SPTB: variants seen among roughly 807,000 people sequenced by gnomAD.
SPTB encodes the protein spectrin beta chain, erythrocytic.
In SPTB, 45 loss-of-function variants were observed where a neutral mutation model predicts 256.2. The observed-to-expected ratio is 0.18, with a 90% CI of 0.14 to 0.23. The LOEUF (loss-of-function observed/expected upper bound fraction) is 0.23, where lower values mean the gene tolerates loss of function less well. Ranked by LOEUF, SPTB falls within the 10% of genes least tolerant of loss-of-function variation. The probability of loss-of-function intolerance (pLI) is 1.00; values close to 1 mark genes in which losing one functional copy is unlikely to be tolerated. For synonymous variants in SPTB, 1,231 were observed against 1,243.1 expected (o/e 0.99, Z 0.21); for missense variants, 2,715 against 3,040.4 (o/e 0.89, Z 2.52).
At chr14:64,768,896 A>T (rs2082234188) in intron 29 of SPTB, 138 bp downstream of exon 29, 1 of 783,610 alleles carries the variant, frequency 1.3e-6, no homozygotes, top group Admixed American at 1.8e-5. Context: ...CTGGCCCCAG[A>T]GCTTTGCTGA....
At chr14:64,840,572 T>C (rs2083590333) in intron 1 of SPTB, among the ~76,000 whole-genome samples, 1 of 152,212 alleles carries the variant, frequency 6.6e-6, no homozygotes, top group African/African-American at 2.4e-5. Context: ...ATTCTTGCAG[T>C]GGACCAGTTC....
intron 3 of SPTB, among the ~76,000 whole-genome samples, chr14:64,804,460 G>C (rs984122270): frequency 2.0e-5 from 3 of 152,226 alleles, no homozygotes; most frequent in Non-Finnish European, 4.4e-5. Context: ...CTTACTCTGG[G>C]CTGAGCAAAA....
chr14:64,749,365 C>T lies in SPTB; in HGVS notation c.6928G>A (p.Ala2310Thr), dbSNP rs867725744. 1 of 1,610,418 alleles carries T rather than the reference C, an allele frequency of 6.2e-7. No individual in the cohort carries two copies. Among genetic ancestry groups the T allele is most frequent in the Non-Finnish European group, 8.5e-7 (1 of 1,179,682 alleles). ...TCCTTGTCTTTCTTGCCGAGGCTGG[C>T]GTCGGGGCCGGAGAGGGAAGGCAGG... ...LPLPSLSGPD[A>T]SLGKKDKEKR... The change falls in exon 36 of 36, where the codon GCC becomes ACC. Residue 2310 changes from alanine to threonine, a missense_variant. Ala to Thr is a moderately conservative substitution (Grantham distance 58, BLOSUM62 0). Coordinates refer to ENST00000644917, the MANE Select transcript of SPTB (RefSeq NM_001355436.2). The surrounding 1 kb of genome is among the most constrained non-coding windows in gnomAD (Gnocchi z 4.7).
chr14:64,775,122 G>A lies in SPTB; in HGVS notation c.4842+3C>T. The stretch of plus-strand genomic sequence containing the variant: ...CTGGCTGGTATCCCCTGCCCGAACA[G>A]ACCTTGGGGATCTCATCGGAGATGA... On this transcript the variant is annotated splice_donor_region_variant and intron_variant, in intron 23 of 35. Transcript: ENST00000644917. This position sits in a 1 kb window ranked among gnomAD's most constrained non-coding sequence, Gnocchi z 5.0. 6.2e-7 allele frequency: 1 copy of A among 1,613,882 alleles called. No individual in the cohort carries two copies. The highest frequency in any genetic ancestry group is 1.1e-5 in the South Asian group (1 of 91,066).
rs2082988458 is a variant in SPTB, at chr14:64,806,598, G to A, written c.149-1508C>T. On this transcript the variant is annotated intron_variant, in intron 2 of 35. Transcript: ENST00000644917. This position sits in a 1 kb window ranked among gnomAD's most constrained non-coding sequence, Gnocchi z 4.1. ...GCAGTTCCTGAGGCTTGCTGCATCA[G>A]ATGCCTTCCGGCTTCATGGCTATTT... 6.6e-6 allele frequency among the ~76,000 whole-genome samples: 1 copy of A among 152,236 alleles called. No individual in the cohort carries two copies. The highest frequency in any genetic ancestry group is 6.5e-5 in the Admixed American group (1 of 15,292).
intron 2 of SPTB, among the ~76,000 whole-genome samples, chr14:64,814,121 G>T (rs971869622): frequency 3.3e-5 from 5 of 152,192 alleles, no homozygotes; most frequent in East Asian, 1.9e-4. Context: ...AAATGCAAAT[G>T]CAAGAATAAA....
chr14:64,749,577 G>T lies in SPTB; in HGVS notation c.6819+77C>A. ...TCTTGGGACTGCCCCTTCTGAGGGG[G>T]CCTCCAGGGCAAGCGGCCTGGGGTC... is the stretch of plus-strand genomic sequence containing the variant. On this transcript the variant is annotated intron_variant, in intron 35 of 35. Transcript: ENST00000644917. The surrounding 1 kb of genome is among the most constrained non-coding windows in gnomAD (Gnocchi z 4.7). 1 of 1,607,164 alleles carries T rather than the reference G, an allele frequency of 6.2e-7. No homozygotes were observed. The highest frequency in any genetic ancestry group is 1.7e-5 in the Admixed American group (1 of 59,942).
chr14:64,768,724 A>G, intron 29 of SPTB, among the ~76,000 whole-genome samples: 1 of 145,628 alleles, frequency 6.9e-6, no homozygotes, highest in African/African-American at 2.5e-5. Flanking sequence ...CGGGCCCCCA[A>G]CTCCTCCCCC....
intron 1 of SPTB, among the ~76,000 whole-genome samples, chr14:64,861,413 T>C (rs960210129): frequency 7.2e-5 from 11 of 152,300 alleles, no homozygotes; most frequent in African/African-American, 2.4e-4. Flanking sequence ...GGGCCACCTA[T>C]CATGGTTCTT....
chr14:64,826,697 C>T lies in SPTB; in HGVS notation c.-51-3552G>A, dbSNP rs2083382367. ...TCCTTCTCTGAACCCACCTGACCCTCGTCAAAGTGTAGGTGGGTCTTCTCT... is the reference window on the plus strand; with the variant it reads ...TCCTTCTCTGAACCCACCTGACCCTTGTCAAAGTGTAGGTGGGTCTTCTCT... On this transcript the variant is annotated intron_variant, in intron 1 of 35. Coordinates refer to ENST00000644917, the MANE Select transcript of SPTB (RefSeq NM_001355436.2). The surrounding 1 kb of genome is among the most constrained non-coding windows in gnomAD (Gnocchi z 4.4). Among the ~76,000 whole-genome samples, 4 of 152,302 alleles carry T rather than the reference C, an allele frequency of 2.6e-5. No homozygotes were observed. Among genetic ancestry groups the T allele is most frequent in the South Asian group, 2.1e-4 (1 of 4,826 alleles).
chr14:64,814,121 G>A (rs971869622), intron 2 of SPTB, among the ~76,000 whole-genome samples: 1 of 152,310 alleles, frequency 6.6e-6, no homozygotes, highest in South Asian at 2.1e-4. Flanking sequence ...AAATGCAAAT[G>A]CAAGAATAAA....
chr14:64,858,934 C>T (rs1012248345), intron 1 of SPTB, among the ~76,000 whole-genome samples: 1 of 152,132 alleles, frequency 6.6e-6, no homozygotes, highest in Non-Finnish European at 1.5e-5. Flanking sequence ...AATAAAAAAA[C>T]AGAAACAACC....
intron 1 of SPTB, among the ~76,000 whole-genome samples, chr14:64,833,652 T>TC (rs2083481295): frequency 6.6e-6 from 1 of 152,168 alleles, no homozygotes; most frequent in East Asian, 1.9e-4. Flanking sequence ...CTCATGCTCA[T>TC]CTTCATCAAT....
intron 9 of SPTB, among the ~76,000 whole-genome samples, chr14:64,798,713 G>T (rs2082822888): frequency 6.6e-6 from 1 of 152,174 alleles, no homozygotes; most frequent in African/African-American, 2.4e-5. Flanking sequence ...TAACTGTATT[G>T]GATTTAGGGC....
Position 64,785,613 on chromosome 14 carries a change from T to C in SPTB, c.3779A>G (p.Asn1260Ser), listed in dbSNP as rs1450102801. ...QLIEDRHRKN[N>S]EKAQEASVLL... is the part of the protein sequence containing the mutation. Reference sequence around the variant, plus strand: ...GACAGAGGCCTCCTGGGCCTTCTCGTTGTTCTTCCTGTGCCTGGAAAGGAA... The same window carrying C: ...GACAGAGGCCTCCTGGGCCTTCTCGCTGTTCTTCCTGTGCCTGGAAAGGAA... The change falls in exon 18 of 36, where the codon AAC (asparagine) becomes AGC (serine). Residue 1260 changes from asparagine (N) to serine (S), a missense_variant. By Grantham distance (46) the Asn-to-Ser change is conservative. Coordinates refer to ENST00000644917, the MANE Select transcript of SPTB (RefSeq NM_001355436.2). The surrounding 1 kb of genome is among the most constrained non-coding windows in gnomAD (Gnocchi z 4.4). 4.3e-6 allele frequency: 7 copies of C among 1,614,150 alleles called. No homozygotes were observed. Among genetic ancestry groups the C allele is most frequent in the Non-Finnish European group, 5.9e-6 (7 of 1,180,032 alleles).
At position 64,794,455 on chromosome 14, in the gene SPTB, A is replaced by C. The variant is rs933571976; in HGVS notation, c.1795+12T>G. Reference sequence around the variant, plus strand: ...TTGGAAGCCTCAAAAGGGGAGACAGACTTGGTCTCACCTTTCCCCTCGGTG... The same window carrying C: ...TTGGAAGCCTCAAAAGGGGAGACAGCCTTGGTCTCACCTTTCCCCTCGGTG... On this transcript the variant is annotated intron_variant, in intron 13 of 35. Coordinates refer to ENST00000644917, the MANE Select transcript of SPTB (RefSeq NM_001355436.2). 8.1e-6 allele frequency: 13 copies of C among 1,614,168 alleles called. No homozygotes were observed. Among genetic ancestry groups the C allele is most frequent in the Non-Finnish European group, 1.1e-5 (13 of 1,180,038 alleles).
rs761772683 is a variant in SPTB at position 64,772,640 on chromosome 14, G to A, written c.5493C>T (p.Ala1831=). ...PEDVGLDAST[A]ESFHRVHTAF... ...CTGTGTGCACCCGGTGGAAGGACTC[G>A]GCCGTGCTGGCGTCCAGCCCCACGT... The change falls in exon 26 of 36, where the codon GCC becomes GCT. Residue 1831 remains alanine (A), a synonymous_variant. Transcript: ENST00000644917. The surrounding 1 kb of genome is among the most constrained non-coding windows in gnomAD (Gnocchi z 5.4). 9.3e-6 allele frequency: 15 copies of A among 1,612,946 alleles called. No individual in the cohort carries two copies. Among genetic ancestry groups the A allele is most frequent in the South Asian group, 3.3e-5 (3 of 91,060 alleles).
In SPTB at chr14:64,753,692, C is replaced by T. The variant is rs375625321; in HGVS notation, c.6447G>A (p.Thr2149=). 136 of 1,613,744 alleles carry T rather than the reference C, an allele frequency of 8.4e-5. No individual in the cohort carries two copies. The highest frequency in any genetic ancestry group is 1.6e-4 in the Middle Eastern group (1 of 6,062). ...TATCTAGGACCTTAAAGAGGGGCTC[C>T]GTGGTGGGCCTCTCATCCCCAGTGG... ...QKSTGDERPT[T]EPLFKVLDTP... Residue 2149 remains threonine (T), a synonymous_variant, in exon 33 of 36, where the codon ACG becomes ACA. Coordinates refer to ENST00000644917, the MANE Select transcript of SPTB (RefSeq NM_001355436.2).
rs1023626585 is a variant in SPTB, at chr14:64,775,562, G to A, written c.4564-159C>T. The stretch of plus-strand genomic sequence containing the variant: ...TAAGAACTACCAATGACCTCTTGCG[G>A]GCTGCTAAGCACCTCATGTGCACCA... On this transcript the variant is annotated intron_variant, in intron 22 of 35. Coordinates refer to ENST00000644917, the MANE Select transcript of SPTB (RefSeq NM_001355436.2). This position sits in a 1 kb window ranked among gnomAD's most constrained non-coding sequence, Gnocchi z 5.0. Among the ~76,000 whole-genome samples, 4 of 152,234 alleles carry A rather than the reference G, an allele frequency of 2.6e-5. No homozygotes were observed. Among genetic ancestry groups the A allele is most frequent in the Admixed American group, 2.6e-4 (4 of 15,278 alleles).
Sources: gnomAD v4.1 joint callset for allele counts (sites outside exome capture counted in the v4.1 genomes callset) on GRCh38, gnomAD v4.1.1 for gene constraint, Gnocchi (gnomAD v3.1) non-coding constraint, MANE v1.5 for transcripts, NCBI Gene and HGNC (gene_info 2026-07-23, HGNC 2026-07-21) for gene names.